Variants in CSMD3 observed in about 807,000 individuals in gnomAD.
CSMD3 encodes the protein CUB and sushi domain-containing protein 3.
In CSMD3, 177 loss-of-function variants were observed where a neutral mutation model predicts 435.2. That is an observed-to-expected ratio of 0.41 (90% CI 0.36 to 0.46). CSMD3 has a LOEUF of 0.46. Among genes scored for constraint, CSMD3 ranks in the 20% least tolerant of loss-of-function variants. The probability of loss-of-function intolerance (pLI) is 0.34; values close to 1 mark genes in which losing one functional copy is unlikely to be tolerated. For missense variants in CSMD3, 4,265 were observed against 4,504.6 expected (o/e 0.95, Z 1.52); for synonymous variants, 1,656 against 1,520.5 (o/e 1.09, Z -2.07).
At chr8:112,227,752 A>G (rs1315396008) in intron 70 of CSMD3, among the ~76,000 whole-genome samples, 1 of 152,156 alleles carries the variant, frequency 6.6e-6, no homozygotes, top group Non-Finnish European at 1.5e-5. Context: ...TTGACCCCAA[A>G]TGAAAATATC....
intron 1 of CSMD3, among the ~76,000 whole-genome samples, chr8:113,398,469 C>G (rs373220373): frequency 3.2e-4 from 48 of 152,200 alleles, no homozygotes; most frequent in African/African-American, 1.1e-3. Context: ...TTTTACTTTT[C>G]AGAATATTCC....
intron 40 of CSMD3, among the ~76,000 whole-genome samples, chr8:112,350,578 T>A (rs2131049641): frequency 6.6e-6 from 1 of 152,140 alleles, no homozygotes; most frequent in South Asian, 2.1e-4. Context: ...TCTCTTACTC[T>A]TTACAGCCCA....
At chr8:112,284,301 T>C (rs944441736) in intron 58 of CSMD3, among the ~76,000 whole-genome samples, 1 of 151,884 alleles carries the variant, frequency 6.6e-6, no homozygotes, top group African/African-American at 2.4e-5. Flanking sequence ...GCTTTATCCT[T>C]CACATTCTGA....
chr8:113,216,499 CA>C (rs1730001397), intron 3 of CSMD3, among the ~76,000 whole-genome samples: 1 of 151,754 alleles, frequency 6.6e-6, no homozygotes, highest in African/African-American at 2.4e-5. Flanking sequence ...ACAATAAACA[CA>C]TTTTTTTAAA....
At chr8:112,709,484 C>G (rs898801457) in intron 13 of CSMD3, among the ~76,000 whole-genome samples, 1 of 151,888 alleles carries the variant, frequency 6.6e-6, no homozygotes, top group Admixed American at 6.6e-5. Flanking sequence ...AGAATAAACA[C>G]TTGGTTTTTA....
At position 112,835,889 on chromosome 8, in the gene CSMD3, T is replaced by C. The variant is rs114788584; in HGVS notation, c.1756-6100A>G. 5.2e-3 allele frequency among the ~76,000 whole-genome samples: 793 copies of C among 152,000 alleles called. 4 individuals are homozygous for C. Among genetic ancestry groups the C allele is most frequent in the African/African-American group, 0.018 (751 of 41,532 alleles). On this transcript the variant is annotated intron_variant, in intron 11 of 70. Coordinates refer to ENST00000297405, the MANE Select transcript of CSMD3 (RefSeq NM_198123.2). ...CTTATCTAGGAACTCATTCCATTTC[T>C]AGAGAAATCAGTATTCACTAGTCTT...
At chr8:113,246,950 T>A (rs1436686749) in intron 3 of CSMD3, among the ~76,000 whole-genome samples, 1 of 152,180 alleles carries the variant, frequency 6.6e-6, no homozygotes, top group Non-Finnish European at 1.5e-5. Context: ...TCCAGCAATG[T>A]CAGACTCTGC....
At chr8:112,911,731 GTATTA>G (rs1291257565) in intron 10 of CSMD3, among the ~76,000 whole-genome samples, 3 of 143,230 alleles carry the variant, frequency 2.1e-5, no homozygotes, top group Non-Finnish European at 4.5e-5. Flanking sequence ...ATATAATTAT[GTATTA>G]TATTATGTAT....
chr8:113,321,209 A>G (rs919776996), intron 1 of CSMD3, among the ~76,000 whole-genome samples: 1 of 152,128 alleles, frequency 6.6e-6, no homozygotes, highest in Non-Finnish European at 1.5e-5. Context: ...ATTCAATAGT[A>G]TTATTCAGCT....
rs1456266712 is a variant in CSMD3 at position 112,313,983 on chromosome 8, C to T, written c.7619G>A (p.Ser2540Asn). Residue 2540 changes from serine (S) to asparagine (N), a missense_variant, in exon 49 of 71, where the codon AGC (serine) becomes AAC (asparagine). Physicochemically the swap from Ser to Asn is conservative, Grantham distance 46. Coordinates refer to ENST00000297405, the MANE Select transcript of CSMD3 (RefSeq NM_198123.2). Reference protein sequence around the residue: ...GDYSSAFNITSNGHEVFLQWS... With the variant: ...GDYSSAFNITNNGHEVFLQWS... The stretch of plus-strand genomic sequence containing the variant: ...CTGAAGAAATACTTCATGACCATTG[C>T]TTGTTATATTAAAAGCAGATGAATA... 6.2e-7 allele frequency: 1 copy of T among 1,610,754 alleles called. No individual in the cohort carries two copies. The highest frequency in any genetic ancestry group is 8.5e-7 in the Non-Finnish European group (1 of 1,177,266).
rs746207130 is a variant in CSMD3, at chr8:112,829,811, C to A, written c.1756-22G>T. On this transcript the variant is annotated intron_variant, in intron 11 of 70. Coordinates refer to ENST00000297405, the MANE Select transcript of CSMD3 (RefSeq NM_198123.2). ...TAACCTAGCAGTAAACAGAAACATGCACCTTAAATATACTGCGTTGTGCAA... is the reference window on the plus strand; with the variant it reads ...TAACCTAGCAGTAAACAGAAACATGAACCTTAAATATACTGCGTTGTGCAA... The A allele has an allele frequency of 7.3e-6, 9 of 1,230,214 alleles. No homozygotes were observed. In the South Asian group the frequency reaches 9.6e-5, roughly 13 times the overall value. 76.2% of individuals were successfully genotyped at this position (1,230,214 alleles called of 1,614,324 possible).
chr8:112,620,549 T>A (rs1253209967), intron 22 of CSMD3, among the ~76,000 whole-genome samples: 1 of 152,068 alleles, frequency 6.6e-6, no homozygotes, highest in African/African-American at 2.4e-5. Flanking sequence ...TCTGAAAGTG[T>A]CACAGTACCC....
chr8:112,442,943 C>T (rs1416021993), intron 32 of CSMD3, among the ~76,000 whole-genome samples: 1 of 152,168 alleles, frequency 6.6e-6, no homozygotes, highest in Admixed American at 6.5e-5. Context: ...AACTGTTATA[C>T]AAGAGAAAAA....
At chr8:112,941,426 A>G (rs1167783135) in intron 9 of CSMD3, among the ~76,000 whole-genome samples, 2 of 151,838 alleles carry the variant, frequency 1.3e-5, no homozygotes, top group African/African-American at 4.8e-5. Context: ...GAAACTGTGG[A>G]CGAGAAGGAG....
intron 1 of CSMD3, among the ~76,000 whole-genome samples, chr8:113,427,486 TAAA>T (rs56128600): frequency 7.8e-6 from 1 of 129,002 alleles, no homozygotes; most frequent in Non-Finnish European, 1.7e-5. Context: ...CAATTATGTC[TAAA>T]AAAAAAAAAA....
intron 13 of CSMD3, among the ~76,000 whole-genome samples, chr8:112,769,738 A>T (rs1167378434): frequency 6.6e-6 from 1 of 152,006 alleles, no homozygotes; most frequent in Non-Finnish European, 1.5e-5. Flanking sequence ...TTGAGAGTAC[A>T]TAAAAGATTT....
At chr8:113,331,597 A>AT in intron 1 of CSMD3, among the ~76,000 whole-genome samples, 1 of 151,876 alleles carries the variant, frequency 6.6e-6, no homozygotes, top group African/African-American at 2.4e-5. Context: ...ACCAAATGAG[A>AT]TTTACCCAGG....
At chr8:113,114,585 CT>C (rs1564331407) in intron 4 of CSMD3, among the ~76,000 whole-genome samples, 1 of 152,100 alleles carries the variant, frequency 6.6e-6, no homozygotes, top group African/African-American at 2.4e-5. Flanking sequence ...TATAGATTAG[CT>C]ATTATGCATG....
intron 35 of CSMD3, among the ~76,000 whole-genome samples, chr8:112,391,365 G>C (rs1280061731): frequency 6.6e-6 from 1 of 152,080 alleles, no homozygotes; most frequent in East Asian, 1.9e-4. Flanking sequence ...CAATCAAATG[G>C]AGTCATTAAG....
Sources: gnomAD v4.1 joint callset for allele counts (sites outside exome capture counted in the v4.1 genomes callset) on GRCh38, gnomAD v4.1.1 for gene constraint, MANE v1.5 for transcripts, NCBI Gene and HGNC (gene_info 2026-07-23, HGNC 2026-07-21) for gene names.